MROH2B: variants seen among roughly 807,000 people sequenced by gnomAD.
The protein encoded by MROH2B is maestro heat-like repeat-containing protein family member 2B.
Under a neutral mutation model 208.6 loss-of-function variants are expected in MROH2B, and 177 were observed. That is an observed-to-expected ratio of 0.85 (90% CI 0.75 to 0.96). MROH2B has a LOEUF of 0.96. Among genes scored for constraint, MROH2B ranks in the 40% least tolerant of loss-of-function variants. MROH2B has a pLI of 0.00. For missense variants in MROH2B, 2,002 were observed against 1,878.7 expected, an observed-to-expected ratio of 1.07 and a Z score of -1.21; for synonymous variants, 728 against 659.0, an observed-to-expected ratio of 1.10 and a Z score of -1.60.
At chr5:41,012,067 T>C (rs1469003813) in intron 30 of MROH2B, among the ~76,000 whole-genome samples, 2 of 152,204 alleles carry the variant, frequency 1.3e-5, no homozygotes, top group Non-Finnish European at 2.9e-5. Context: ...TAACCAAGCT[T>C]CCTGAATTTA....
chr5:41,047,411 G>T (rs1280153412), intron 17 of MROH2B, among the ~76,000 whole-genome samples: 2 of 152,122 alleles, frequency 1.3e-5, no homozygotes, highest in African/African-American at 4.8e-5. Context: ...GCTGGTAAAA[G>T]AACAAAGTTG....
In MROH2B at chr5:41,069,033, T is replaced by C. The variant is rs117079196; in HGVS notation, c.90+658A>G. On this transcript the variant is annotated intron_variant, in intron 2 of 41. Coordinates refer to ENST00000399564, the MANE Select transcript of MROH2B (RefSeq NM_173489.5). The stretch of plus-strand genomic sequence containing the variant: ...GAATAATGATTAGGAACATTTTTTT[T>C]TGGAGTCAGATGGGCTTGCTTTTGG... Among the ~76,000 whole-genome samples the C allele has an allele frequency of 1.3e-3, 205 of 152,286 alleles. 3 individuals carry two copies. In the East Asian group the frequency reaches 0.031, roughly 23 times the overall value.
At chr5:41,034,455 C>T (rs965625362) in intron 21 of MROH2B, among the ~76,000 whole-genome samples, 2 of 152,054 alleles carry the variant, frequency 1.3e-5, no homozygotes, top group South Asian at 2.1e-4. Flanking sequence ...CGTGCACACA[C>T]CCCATGAATC....
At chr5:41,059,825 C>T (rs532961239) in intron 6 of MROH2B, among the ~76,000 whole-genome samples, 3 of 152,312 alleles carry the variant, frequency 2.0e-5, no homozygotes, top group African/African-American at 7.2e-5. Context: ...TAGCCACTTT[C>T]CCACTCTATA....
intron 24 of MROH2B, among the ~76,000 whole-genome samples, chr5:41,023,619 A>G (rs933222508): frequency 1.3e-5 from 2 of 152,244 alleles, no homozygotes; most frequent in Non-Finnish European, 2.9e-5. Context: ...TCAGGATATT[A>G]TCTAGGAGAA....
Position 41,018,245 on chromosome 5 carries a change from C to T in MROH2B, c.2763+96G>A, listed in dbSNP as rs534310681. The T allele has an allele frequency of 1.6e-5, 20 of 1,258,178 alleles. No individual in the cohort carries two copies. In the South Asian group the frequency reaches 2.8e-4, roughly 18 times the overall value. The allele number at this position is 1,258,178 out of a possible 1,614,324, so 77.9% of individuals were successfully genotyped here. On this transcript the variant is annotated intron_variant, in intron 27 of 41. Transcript: ENST00000399564. ...CCGAAAAGCACTTCACTCTGAGATG[C>T]ACGATCCATCATGCAGGAGTTTTGG...
At chr5:41,006,515 A>G (rs575151874) in intron 34 of MROH2B, among the ~76,000 whole-genome samples, 5 of 152,388 alleles carry the variant, frequency 3.3e-5, no homozygotes, top group African/African-American at 1.2e-4. Flanking sequence ...AAATCATTAT[A>G]CAAAAAAGAT....
chr5:41,061,842 T>C, intron 5 of MROH2B, 118 bp from the exon 6 acceptor site: 1 of 1,113,892 alleles, frequency 9.0e-7, no homozygotes, highest in Non-Finnish European at 1.2e-6. Flanking sequence ...TTAGATGATC[T>C]TACGACTGCA....
At chr5:41,061,450 CAT>C (rs1743633880) in intron 6 of MROH2B, 118 bp downstream of exon 6, 1 of 863,446 alleles carries the variant, frequency 1.2e-6, no homozygotes, top group African/African-American at 1.7e-5. Flanking sequence ...TGATAAATCT[CAT>C]AAAATACAAC....
At chr5:41,001,474 G>A (rs1314919807) in intron 37 of MROH2B, among the ~76,000 whole-genome samples, 1 of 152,150 alleles carries the variant, frequency 6.6e-6, no homozygotes, top group Non-Finnish European at 1.5e-5. Flanking sequence ...CACTTTGGGA[G>A]CAGAGGCAGG....
At chr5:41,045,681 G>T (rs1743093319) in intron 18 of MROH2B, 65 bp downstream of exon 18, 7 of 1,186,770 alleles carry the variant, frequency 5.9e-6, no homozygotes, top group Middle Eastern at 1.9e-4. Flanking sequence ...AGACAAGATG[G>T]AGCTAGAGCA....
At chr5:41,067,026 A>C (rs1743833506) in intron 3 of MROH2B, 82 bp downstream of exon 3, 1 of 752,260 alleles carries the variant, frequency 1.3e-6, no homozygotes, top group Non-Finnish European at 2.3e-6. Context: ...TCCTGGCAAC[A>C]GTGTAGAAGA....
chr5:41,023,298 A>G (rs915717493), intron 24 of MROH2B, among the ~76,000 whole-genome samples: 2 of 152,240 alleles, frequency 1.3e-5, no homozygotes, highest in African/African-American at 4.8e-5. Context: ...TCTTGAAAAA[A>G]GATTAGATGA....
intron 10 of MROH2B, among the ~76,000 whole-genome samples, chr5:41,055,499 C>A (rs1244924212): frequency 8.4e-6 from 1 of 118,560 alleles, no homozygotes; most frequent in Non-Finnish European, 1.6e-5. Context: ...AACTTTAATT[C>A]TCAAAAATTC....
intron 21 of MROH2B, among the ~76,000 whole-genome samples, chr5:41,035,732 A>C (rs1742735088): frequency 6.6e-6 from 1 of 152,152 alleles, no homozygotes; most frequent in Non-Finnish European, 1.5e-5. Flanking sequence ...ATCATCACTA[A>C]CCATCAAAGA....
intron 24 of MROH2B, among the ~76,000 whole-genome samples, chr5:41,026,106 T>C (rs1447085147): frequency 2.6e-5 from 4 of 152,092 alleles, no homozygotes; most frequent in African/African-American, 2.4e-5. Context: ...ACTGGAAGCA[T>C]TCCCTTTGAA....
At chr5:41,063,495 C>T (rs1008087539) in intron 5 of MROH2B, among the ~76,000 whole-genome samples, 1 of 152,072 alleles carries the variant, frequency 6.6e-6, no homozygotes, top group Admixed American at 6.6e-5. Flanking sequence ...CTTAAAATAC[C>T]CAGGGCAGTG....
chr5:40,999,613 G>T, intron 40 of MROH2B, 64 bp downstream of exon 40: 1 of 1,445,098 alleles, frequency 6.9e-7, no homozygotes, highest in Non-Finnish European at 9.5e-7. Context: ...ACAGCTTCTG[G>T]TCAAAGCAAA....
Position 41,018,365 on chromosome 5 carries a change from C to T in MROH2B, c.2739G>A (p.Ala913=), listed in dbSNP as rs750587918. The T allele has an allele frequency of 2.9e-5, 47 of 1,613,012 alleles. No homozygotes were observed. The Admixed American group carries it at 4.0e-4, about 14-fold the overall frequency. ...WERERAFQIT[A]KVLTNDIEAP... is the part of the protein sequence containing the mutation. ...CCTCAATATCATTTGTCAGCACTTT[C>T]GCAGTGATCTGGAAGGCTCTTTCTC... The change falls in exon 27 of 42, where the codon GCG becomes GCA. Residue 913 remains alanine (A), a synonymous_variant. Transcript: ENST00000399564.
Sources: gnomAD v4.1 joint callset for allele counts (sites outside exome capture counted in the v4.1 genomes callset) on GRCh38, gnomAD v4.1.1 for gene constraint, MANE v1.5 for transcripts, NCBI Gene and HGNC (gene_info 2026-07-23, HGNC 2026-07-21) for gene names.